DNM2: variants seen among roughly 807,000 people sequenced by gnomAD.
The protein encoded by DNM2 is dynamin-2.
A neutral mutation model predicts 99.0 loss-of-function variants in DNM2; 15 were observed. That is an observed-to-expected ratio of 0.15 (90% CI 0.10 to 0.23). The LOEUF (loss-of-function observed/expected upper bound fraction) is 0.23, where lower values mean the gene tolerates loss of function less well. Among genes scored for constraint, DNM2 ranks in the 10% least tolerant of loss-of-function variants. DNM2 has a pLI of 1.00. For missense variants in DNM2, 742 were observed against 1,189.4 expected (o/e 0.62, Z 5.53); for synonymous variants, 525 against 481.2 (o/e 1.09, Z -1.19).
Position 10,817,629 on chromosome 19 carries a change from C to T in DNM2, c.1672-2351C>T, listed in dbSNP as rs2072799591. The T allele has an allele frequency of 8.2e-6, 2 of 245,356 alleles. No individual in the cohort carries two copies. Among genetic ancestry groups the T allele is most frequent in the East Asian group, 1.8e-4 (1 of 5,652 alleles). The allele number at this position is 245,356 out of a possible 1,614,324, so 15.2% of individuals were successfully genotyped here. On this transcript the variant is annotated intron_variant, in intron 15 of 20. Transcript: ENST00000389253. The surrounding 1 kb of genome is among the most constrained non-coding windows in gnomAD (Gnocchi z 4.6). The stretch of plus-strand genomic sequence containing the variant: ...AGACGATCCGCTCTGTCCCTTCTGA[C>T]GTGGCAAGGCTGGGGCCGGCTCGCA...
At chr19:10,740,381 G>GTT (rs1249729527) in intron 1 of DNM2, among the ~76,000 whole-genome samples, 17 of 140,960 alleles carry the variant, frequency 1.2e-4, no homozygotes, top group African/African-American at 3.4e-4. Flanking sequence ...TCTTTTTTTT[G>GTT]TTTTTTTTTT....
intron 1 of DNM2, among the ~76,000 whole-genome samples, chr19:10,720,212 A>ATTTTTTTTTTTTTT (rs1466145085): frequency 6.9e-6 from 1 of 145,360 alleles, no homozygotes; most frequent in African/African-American, 2.6e-5. Context: ...TTATTTATTT[A>ATTTTTTTTTTTTTT]TTTATTTTTT....
chr19:10,802,968 G>C (rs1435359374), intron 12 of DNM2, among the ~76,000 whole-genome samples: 1 of 152,208 alleles, frequency 6.6e-6, no homozygotes, highest in African/African-American at 2.4e-5. Flanking sequence ...TTGTTGGAGA[G>C]GCTCACGCAG....
chr19:10,811,843 AG>A lies in DNM2; in HGVS notation c.1558-418del, dbSNP rs577713792. The A allele has an allele frequency of 1.1e-4, 54 of 512,864 alleles. 1 individual carries two copies. The highest frequency in any genetic ancestry group is 7.5e-4 in the South Asian group (53 of 70,234). 31.8% of individuals were successfully genotyped at this position (512,864 alleles called of 1,614,324 possible). The stretch of plus-strand genomic sequence containing the variant: ...CCGCGCTCCTTCAATGTCCTTGGGG[AG>A]GGCCCCTGGGCTCACACCTTTGACC... On this transcript the variant is annotated intron_variant, in intron 14 of 20. Coordinates refer to ENST00000389253, the MANE Select transcript of DNM2 (RefSeq NM_001005361.3). This position sits in a 1 kb window ranked among gnomAD's most constrained non-coding sequence, Gnocchi z 5.4.
chr19:10,810,142 T>G (rs148251570), intron 14 of DNM2: 3,452 of 152,998 alleles, frequency 0.023, 59 homozygotes, highest in South Asian at 0.037. Context: ...GGAAAGAGAC[T>G]GGAGCAGCCT....
intron 1 of DNM2, among the ~76,000 whole-genome samples, chr19:10,756,452 G>A (rs894520544): frequency 9.9e-5 from 15 of 152,188 alleles, no homozygotes; most frequent in East Asian, 1.9e-4. Flanking sequence ...TCCAAGTCTC[G>A]TATCCTGTTT....
intron 7 of DNM2, among the ~76,000 whole-genome samples, chr19:10,789,788 C>T (rs1327682714): frequency 6.6e-6 from 1 of 151,948 alleles, no homozygotes; most frequent in Admixed American, 6.6e-5. Flanking sequence ...GAGCCAGGAT[C>T]ACACCACTGC....
chr19:10,819,874 G>T (rs775778026), intron 15 of DNM2, 106 bp from the exon 16 acceptor site: 68 of 1,036,220 alleles, frequency 6.6e-5, no homozygotes, highest in Non-Finnish European at 1.0e-4. Flanking sequence ...GACCAGCATT[G>T]AGAAGCCCCC....
chr19:10,737,174 C>T (rs969057070), intron 1 of DNM2, among the ~76,000 whole-genome samples: 4 of 152,014 alleles, frequency 2.6e-5, no homozygotes, highest in Non-Finnish European at 4.4e-5. Context: ...TCCTCCCTGG[C>T]CCTCAGTTCC....
At chr19:10,751,597 C>A (rs948545460) in intron 1 of DNM2, among the ~76,000 whole-genome samples, 1 of 152,172 alleles carries the variant, frequency 6.6e-6, no homozygotes, top group Non-Finnish European at 1.5e-5. Context: ...GGGCTCATTT[C>A]GGAGGCAGTC....
chr19:10,794,981 G>A (rs1369181748), intron 8 of DNM2, among the ~76,000 whole-genome samples: 1 of 152,034 alleles, frequency 6.6e-6, no homozygotes, highest in Non-Finnish European at 1.5e-5. Context: ...GTGCAGTGGT[G>A]CAATCACAGC....
chr19:10,783,697 T>C (rs1222600925), intron 6 of DNM2, among the ~76,000 whole-genome samples: 2 of 121,054 alleles, frequency 1.7e-5, no homozygotes, highest in African/African-American at 5.3e-5. Flanking sequence ...ATTATTATTA[T>C]TATTATTATT....
At chr19:10,723,878 G>C (rs1245479713) in intron 1 of DNM2, among the ~76,000 whole-genome samples, 5 of 152,086 alleles carry the variant, frequency 3.3e-5, no homozygotes, top group African/African-American at 1.2e-4. Context: ...GATCACTTGA[G>C]CCCAGAAGTT....
At chr19:10,752,690 C>T (rs1418896966) in intron 1 of DNM2, among the ~76,000 whole-genome samples, 1 of 152,250 alleles carries the variant, frequency 6.6e-6, no homozygotes, top group Non-Finnish European at 1.5e-5. Flanking sequence ...GGCAGGCCCC[C>T]ACCCTCTGGG....
intron 2 of DNM2, among the ~76,000 whole-genome samples, chr19:10,770,603 T>C (rs1188444013): frequency 6.6e-6 from 1 of 151,778 alleles, no homozygotes; most frequent in Non-Finnish European, 1.5e-5. Flanking sequence ...AAGAAAGAGG[T>C]TTAATGGAGT....
rs368391374 is a variant in DNM2 at position 10,753,760 on chromosome 19, G to A, written c.162-5978G>A. ...CAACCTCTGCCTCCTGGGTTCAAGC[G>A]ATTCTCCTGTCTCAGCCTCCTGAGT... On this transcript the variant is annotated intron_variant, in intron 1 of 20. Coordinates refer to ENST00000389253, the MANE Select transcript of DNM2 (RefSeq NM_001005361.3). 4.0e-5 allele frequency among the ~76,000 whole-genome samples: 6 copies of A among 151,330 alleles called. No individual in the cohort carries two copies. In the East Asian group the frequency reaches 5.9e-4, roughly 15 times the overall value.
intron 18 of DNM2, among the ~76,000 whole-genome samples, chr19:10,827,653 C>T (rs1351184494): frequency 6.6e-6 from 1 of 151,460 alleles, no homozygotes; most frequent in Non-Finnish European, 1.5e-5. Context: ...GGGCACATCA[C>T]GAGGTCAAGA....
In DNM2 at chr19:10,729,891, C is replaced by G. The variant is rs1170237867; in HGVS notation, c.161+11488C>G. Among the ~76,000 whole-genome samples the G allele has an allele frequency of 2.7e-5, 4 of 150,158 alleles. No individual in the cohort carries two copies. In the East Asian group the frequency reaches 7.8e-4, roughly 29 times the overall value. ...TATTTTTTTTTTTTTTGGAACAGGTCTCACTCTGTCACCCAGGCTGGAGTG... is the reference window on the plus strand; with the variant it reads ...TATTTTTTTTTTTTTTGGAACAGGTGTCACTCTGTCACCCAGGCTGGAGTG... On this transcript the variant is annotated intron_variant, in intron 1 of 20. Coordinates refer to ENST00000389253, the MANE Select transcript of DNM2 (RefSeq NM_001005361.3).
Position 10,796,211 on chromosome 19 carries a change from T to C in DNM2, c.1196+772T>C. 1 of 1,613,942 alleles carries C rather than the reference T, an allele frequency of 6.2e-7. No individual in the cohort carries two copies. The highest frequency in any genetic ancestry group is 8.5e-7 in the Non-Finnish European group (1 of 1,180,008). On this transcript the variant is annotated intron_variant, in intron 9 of 20. Coordinates refer to ENST00000389253, the MANE Select transcript of DNM2 (RefSeq NM_001005361.3). This position sits in a 1 kb window ranked among gnomAD's most constrained non-coding sequence, Gnocchi z 5.6. ...AGTGTACCAGTAAGGTATTGCTCCC[T>C]CGGCAGGGTGACTCCTGACCTTGTG...
Sources: allele counts gnomAD v4.1 joint callset (sites outside exome capture counted in the v4.1 genomes callset), GRCh38; gene constraint gnomAD v4.1.1; non-coding constraint Gnocchi (gnomAD v3.1); transcripts MANE v1.5; gene names NCBI Gene and HGNC (gene_info 2026-07-23, HGNC 2026-07-21).